ZNF333: variants seen among roughly 807,000 people sequenced by gnomAD.
ZNF333 encodes the protein zinc finger protein 333.
A neutral mutation model predicts 76.1 loss-of-function variants in ZNF333; 61 were observed. The observed-to-expected ratio is 0.80, with a 90% confidence interval of 0.65 to 0.99. The LOEUF (loss-of-function observed/expected upper bound fraction) is 0.99, where lower values mean the gene tolerates loss of function less well. Among genes scored for constraint, ZNF333 ranks in the 50% least tolerant of loss-of-function variants. The pLI is 0.00. For missense variants in ZNF333, 717 were observed against 822.4 expected (o/e 0.87, Z 1.57); for synonymous variants, 284 against 305.0 (o/e 0.93, Z 0.72).
chr19:14,706,060 G>GCGT (rs1409747579), intron 6 of ZNF333: 1 of 456,792 alleles, frequency 2.2e-6, no homozygotes. Flanking sequence ...AGTCCTGCTA[G>GCGT]CGTTATTTCC....
rs1568556250 is a variant in ZNF333, at chr19:14,718,563, C to T, written c.1236C>T (p.His412=). 3.7e-6 allele frequency: 6 copies of T among 1,614,018 alleles called. No homozygotes were observed. The Admixed American group carries it at 8.3e-5, about 22-fold the overall frequency. The change falls in exon 12 of 12, where the codon CAC becomes CAT. Residue 412 remains histidine (H), a synonymous_variant. Transcript: ENST00000292530. ...AATATTCCTCGAATCTCCGGCGACA[C>T]ATGAGAACCCATACCGGAGAGAAGC... ...AFKYSSNLRR[H]MRTHTGEKPF... is the part of the protein sequence containing the mutation.
chr19:14,698,923 T>G (rs200255663), intron 4 of ZNF333, among the ~76,000 whole-genome samples: 5 of 73,804 alleles, frequency 6.8e-5, no homozygotes, highest in African/African-American at 9.6e-5. Context: ...TATATATATA[T>G]ATATATATAT....
At position 14,709,699 on chromosome 19, in the gene ZNF333, C is replaced by G. The variant is rs1054310215; in HGVS notation, c.511+2926C>G. On this transcript the variant is annotated intron_variant, in intron 7 of 11. Coordinates refer to ENST00000292530, the MANE Select transcript of ZNF333 (RefSeq NM_032433.4). ...AAGAAGAGGAAGAGACACCAGAGCTCTCTCGCCCATGTGAGGACACAGCCA... is the reference window on the plus strand; with the variant it reads ...AAGAAGAGGAAGAGACACCAGAGCTGTCTCGCCCATGTGAGGACACAGCCA... Among the ~76,000 whole-genome samples, 7 of 152,346 alleles carry G rather than the reference C, an allele frequency of 4.6e-5. No individual in the cohort carries two copies. The East Asian group carries it at 5.8e-4, about 13-fold the overall frequency.
chr19:14,708,693 CTA>C (rs954530723), intron 7 of ZNF333: 24 of 267,914 alleles, frequency 9.0e-5, no homozygotes, highest in African/African-American at 3.7e-4. Context: ...CACTTTTCCT[CTA>C]TGAGTTTGCT....
intron 5 of ZNF333, chr19:14,701,610 A>G: frequency 1.0e-6 from 1 of 985,360 alleles, no homozygotes; most frequent in Non-Finnish European, 1.2e-6. Context: ...GAAAGGAGAG[A>G]GGGAGGGAGA....
intron 5 of ZNF333, chr19:14,701,449 C>A: frequency 2.4e-6 from 1 of 425,060 alleles, no homozygotes; most frequent in Non-Finnish European, 3.1e-6. Context: ...CTGTGTTGTG[C>A]AGGCTCCCAT....
chr19:14,704,834 G>C (rs973881786), intron 5 of ZNF333, among the ~76,000 whole-genome samples: 1 of 152,186 alleles, frequency 6.6e-6, no homozygotes, highest in Non-Finnish European at 1.5e-5. Flanking sequence ...CATATCAATG[G>C]GGCTTCGCCA....
chr19:14,693,010 A>G (rs1205149484), intron 1 of ZNF333, among the ~76,000 whole-genome samples: 4 of 151,890 alleles, frequency 2.6e-5, no homozygotes, highest in Non-Finnish European at 5.9e-5. Context: ...TATTTTTAGT[A>G]GAGATGGGGT....
chr19:14,696,511 A>G (rs1478504341), intron 4 of ZNF333, among the ~76,000 whole-genome samples: 3 of 152,054 alleles, frequency 2.0e-5, no homozygotes, highest in African/African-American at 4.8e-5. Flanking sequence ...GTTTATAAAC[A>G]ATAGAAGTTT....
Position 14,718,513 on chromosome 19 carries a change from T to C in ZNF333, c.1186T>C (p.Cys396Arg), listed in dbSNP as rs1259811655. Residue 396 changes from cysteine to arginine, a missense_variant, in exon 12 of 12, where the codon TGT becomes CGT. Physicochemically the swap from Cys to Arg is radical, Grantham distance 180. Coordinates refer to ENST00000292530, the MANE Select transcript of ZNF333 (RefSeq NM_032433.4). ...TCATACTGCAGAGAAGTGCTTTGAC[T>C]GTCAAGAATGTGGGCAAGCCTTCAA... is the stretch of plus-strand genomic sequence containing the variant. ...KTHTAEKCFD[C>R]QECGQAFKYS... The C allele has an allele frequency of 1.2e-6, 2 of 1,614,096 alleles. No individual in the cohort carries two copies. The highest frequency in any genetic ancestry group is 2.7e-5 in the African/African-American group (2 of 74,930).
At position 14,703,076 on chromosome 19, in the gene ZNF333, C is replaced by T. The variant is rs945976990; in HGVS notation, c.307-1978C>T. On this transcript the variant is annotated intron_variant, in intron 5 of 11. Transcript: ENST00000292530. ...AAAATTAGCCGGGCGTGGTGGCGGGCGCCTGTAGTCCCAGCTACTTGGGAG... is the reference window on the plus strand; with the variant it reads ...AAAATTAGCCGGGCGTGGTGGCGGGTGCCTGTAGTCCCAGCTACTTGGGAG... 8.6e-5 allele frequency among the ~76,000 whole-genome samples: 13 copies of T among 151,806 alleles called. No individual in the cohort carries two copies. In the South Asian group the frequency reaches 1.5e-3, roughly 17 times the overall value.
downstream of ZNF333, among the ~76,000 whole-genome samples, chr19:14,725,888 G>A (rs1257082220): frequency 6.6e-6 from 1 of 152,184 alleles, no homozygotes; most frequent in Non-Finnish European, 1.5e-5. Flanking sequence ...ACCATTCTGG[G>A]GTCTGGAGGG....
chr19:14,720,208 A>G lies in ZNF333; in HGVS notation c.*883A>G, dbSNP rs1020893245. 4.1e-5 allele frequency: 40 copies of G among 984,744 alleles called. No individual in the cohort carries two copies. The highest frequency in any genetic ancestry group is 4.6e-5 in the Non-Finnish European group (38 of 829,468). 61.0% of individuals were successfully genotyped at this position (984,744 alleles called of 1,614,324 possible). On this transcript the variant is annotated 3_prime_UTR_variant, in exon 12 of 12. Transcript: ENST00000292530. ...CTCAAAAATAATAATAATAAAAAAA[A>G]GCTTCCATCTCCCAGCCCTTCTTGC...
chr19:14,690,309 C>G (rs1215061133), intron 1 of ZNF333, among the ~76,000 whole-genome samples, 159 bp downstream of exon 1: 1 of 152,194 alleles, frequency 6.6e-6, no homozygotes, highest in African/African-American at 2.4e-5. Flanking sequence ...GGCCTCGCAT[C>G]TGGGCGCCCG....
chr19:14,699,713 C>G (rs1395810591), intron 5 of ZNF333, among the ~76,000 whole-genome samples: 1 of 151,958 alleles, frequency 6.6e-6, no homozygotes, highest in African/African-American at 2.4e-5. Flanking sequence ...CTGCCTGCCT[C>G]AAGATTCTTT....
chr19:14,731,223 G>T (rs1292039334), exon 12 of ZNF333: 14 of 1,529,556 alleles, frequency 9.2e-6, no homozygotes, highest in Non-Finnish European at 1.1e-5. Flanking sequence ...TCTCTTGCAT[G>T]TTCAGATCGC....
intron 11 of ZNF333, among the ~76,000 whole-genome samples, chr19:14,728,809 G>A (rs2042649461): frequency 6.6e-6 from 1 of 152,128 alleles, no homozygotes; most frequent in African/African-American, 2.4e-5. Context: ...TCTGCAGAAG[G>A]GTGCCACCCA....
rs1030401067 is a variant in ZNF333 at position 14,720,237 on chromosome 19, C to T, written c.*912C>T. The T allele has an allele frequency of 8.1e-6, 8 of 985,228 alleles. No individual in the cohort carries two copies. The African/African-American group carries it at 1.2e-4, about 15-fold the overall frequency. The allele number at this position is 985,228 out of a possible 1,614,324, so 61.0% of individuals were successfully genotyped here. ...TCCATCTCCCAGCCCTTCTTGCAAG[C>T]AAGGGCAGGCCATTTCCTCCGGTCC... On this transcript the variant is annotated 3_prime_UTR_variant, in exon 12 of 12. Transcript: ENST00000292530.
intron 7 of ZNF333, among the ~76,000 whole-genome samples, chr19:14,711,520 T>C (rs1014838741): frequency 3.3e-5 from 5 of 151,872 alleles, no homozygotes; most frequent in Admixed American, 6.6e-5. Flanking sequence ...ATAAGAAAAT[T>C]AGCCAGGCAT....
Sources: allele counts gnomAD v4.1 joint callset (sites outside exome capture counted in the v4.1 genomes callset), GRCh38; gene constraint gnomAD v4.1.1; transcripts MANE v1.5; gene names NCBI Gene and HGNC (gene_info 2026-07-23, HGNC 2026-07-21).